IRAG1: variants seen among roughly 807,000 people sequenced by gnomAD.
IRAG1 encodes inositol 1,4,5-triphosphate receptor associated 1, also known as IP3R-associated cGMP kinase substrate.
A neutral mutation model predicts 106.2 loss-of-function variants in IRAG1; 62 were observed. The ratio of observed to expected loss-of-function variants is 0.58; its 90% CI spans 0.48 to 0.72. The LOEUF is 0.72. IRAG1 is among the 30% of genes least tolerant of loss of function. The pLI is 0.00. For synonymous variants in IRAG1, 462 were observed against 443.9 expected (o/e 1.04, Z -0.51); for missense variants, 1,064 against 1,140.7 (o/e 0.93, Z 0.97).
chr11:10,633,141 C>A (rs1295805529), intron 3 of IRAG1, among the ~76,000 whole-genome samples: 1 of 140,836 alleles, frequency 7.1e-6, no homozygotes, highest in Non-Finnish European at 1.5e-5. Flanking sequence ...GTGGCGCGAT[C>A]TGGGCTCACT....
At chr11:10,684,557 T>C (rs909860400) in intron 1 of IRAG1, among the ~76,000 whole-genome samples, 1 of 150,322 alleles carries the variant, frequency 6.7e-6, no homozygotes, top group South Asian at 2.1e-4. Flanking sequence ...TGTATACATA[T>C]GTAACTAACC....
rs768413973 is a variant in IRAG1, at chr11:10,626,199, C to T, written c.1135G>A (p.Glu379Lys). 1.9e-6 allele frequency: 3 copies of T among 1,569,960 alleles called. No individual in the cohort carries two copies. The East Asian group carries it at 6.8e-5, about 35-fold the overall frequency. The part of the protein sequence containing the change: ...PMGPEAGSKA[E>K]LPPTVSRPPL... ...GGCCGGGACACAGTGGGTGGAAGCT[C>T]AGCTTTGGAGCCAGCCTCGGGCCCC... is the stretch of plus-strand genomic sequence containing the variant. Residue 379 changes from glutamate (E) to lysine (K), a missense_variant, in exon 9 of 21, where the codon GAG becomes AAG. Transcript: ENST00000423302.
rs1564901027 is a variant in IRAG1, at chr11:10,601,070, GGAGCGCAT to G, written c.1876-19_1876-12del. On this transcript the variant is annotated splice_polypyrimidine_tract_variant and intron_variant, in intron 14 of 20. Transcript: ENST00000423302. ...CGACATGCGCTTTTCCTGCGGGGAA[GGAGCGCAT>G]GAGTGCATGAGGCCATTGGAGGAAA... 6.2e-7 allele frequency: 1 copy of G among 1,613,516 alleles called. No individual in the cohort carries two copies. Among genetic ancestry groups the G allele is most frequent in the South Asian group, 1.1e-5 (1 of 91,086 alleles).
rs138642796 is a variant in IRAG1, at chr11:10,647,765, G to A, written c.225+4260C>T. Among the ~76,000 whole-genome samples the A allele has an allele frequency of 6.6e-6, 1 of 152,136 alleles. No homozygotes were observed. The highest frequency in any genetic ancestry group is 1.9e-4 in the East Asian group (1 of 5,192). On this transcript the variant is annotated intron_variant, in intron 2 of 20. Transcript: ENST00000423302. The surrounding 1 kb of genome is among the most constrained non-coding windows in gnomAD (Gnocchi z 4.3). ...AGGTAAGATTGCATCTGGAGCCTGG[G>A]GCCAGGTCTGGGGCCCTACAGTAAG...
intron 1 of IRAG1, among the ~76,000 whole-genome samples, chr11:10,662,986 A>G (rs1481590438): frequency 6.6e-6 from 1 of 152,186 alleles, no homozygotes; most frequent in African/African-American, 2.4e-5. Context: ...GCTGAATCTG[A>G]GCCAACGGCC....
At chr11:10,601,643 G>A (rs1854024432) in intron 14 of IRAG1, among the ~76,000 whole-genome samples, 1 of 152,230 alleles carries the variant, frequency 6.6e-6, no homozygotes, top group African/African-American at 2.4e-5. Flanking sequence ...GTAAGTCTGG[G>A]TTGTGAAGGA....
At chr11:10,667,921 G>A (rs372918028) in intron 1 of IRAG1, among the ~76,000 whole-genome samples, 2 of 152,206 alleles carry the variant, frequency 1.3e-5, no homozygotes, top group East Asian at 3.9e-4. Flanking sequence ...CACAGATGAA[G>A]TCCAGTTTCC....
chr11:10,587,880 G>A (rs1852197504), intron 18 of IRAG1, among the ~76,000 whole-genome samples: 1 of 152,208 alleles, frequency 6.6e-6, no homozygotes, highest in African/African-American at 2.4e-5. Context: ...GTAAGGGCAT[G>A]TGCTCTGCTA....
chr11:10,649,817 C>T (rs1305699655), intron 2 of IRAG1, among the ~76,000 whole-genome samples: 1 of 152,126 alleles, frequency 6.6e-6, no homozygotes, highest in Middle Eastern at 3.2e-3. Flanking sequence ...CTCCAAATTC[C>T]AGTTCCCCAC....
intron 15 of IRAG1, among the ~76,000 whole-genome samples, chr11:10,600,237 T>C (rs1317132102): frequency 3.3e-5 from 5 of 152,202 alleles, no homozygotes; most frequent in South Asian, 2.1e-4. Flanking sequence ...CGTGCTCCTA[T>C]AGCAATTCGT....
chr11:10,687,508 C>T, intron 1 of IRAG1: 2 of 392,098 alleles, frequency 5.1e-6, no homozygotes, highest in Non-Finnish European at 8.0e-6. Flanking sequence ...AACCTACTTG[C>T]CTGTTGATCC....
At chr11:10,676,158 T>C (rs557985073) in intron 1 of IRAG1, among the ~76,000 whole-genome samples, 1 of 152,368 alleles carries the variant, frequency 6.6e-6, no homozygotes, top group Non-Finnish European at 1.5e-5. Context: ...GGCTTCGCTT[T>C]GCCTCCCTAA....
chr11:10,605,636 T>C (rs553346675), intron 12 of IRAG1, among the ~76,000 whole-genome samples: 13 of 152,318 alleles, frequency 8.5e-5, no homozygotes, highest in African/African-American at 2.9e-4. Context: ...GACTGTCTGA[T>C]TTGAAAGCCT....
chr11:10,671,295 GA>G (rs1860199728), intron 1 of IRAG1, among the ~76,000 whole-genome samples: 1 of 152,158 alleles, frequency 6.6e-6, no homozygotes, highest in Admixed American at 6.6e-5. Context: ...AAGGCTGCAG[GA>G]TATATGATTG....
chr11:10,676,625 T>G (rs1478442945), intron 1 of IRAG1, among the ~76,000 whole-genome samples: 1 of 152,198 alleles, frequency 6.6e-6, no homozygotes, highest in East Asian at 1.9e-4. Flanking sequence ...GGCTGGGAAC[T>G]GCAGGTGCCA....
chr11:10,617,968 G>T (rs1021310330), intron 10 of IRAG1, among the ~76,000 whole-genome samples: 2 of 152,160 alleles, frequency 1.3e-5, no homozygotes, highest in Non-Finnish European at 2.9e-5. Context: ...ATATAGATTT[G>T]ATCCTGATGC....
At chr11:10,625,504 CT>C (rs951275332) in intron 9 of IRAG1, among the ~76,000 whole-genome samples, 2 of 152,144 alleles carry the variant, frequency 1.3e-5, no homozygotes, top group Non-Finnish European at 2.9e-5. Context: ...GGACTTAAAG[CT>C]TTTGTTAACA....
At chr11:10,666,096 T>C (rs1859765011) in intron 1 of IRAG1, among the ~76,000 whole-genome samples, 2 of 152,214 alleles carry the variant, frequency 1.3e-5, no homozygotes, top group South Asian at 2.1e-4. Context: ...TGATATGAGA[T>C]TGGAAGTAAC....
intron 1 of IRAG1, among the ~76,000 whole-genome samples, chr11:10,677,109 C>G (rs993833070): frequency 5.9e-5 from 9 of 152,346 alleles, no homozygotes; most frequent in African/African-American, 2.2e-4. Context: ...CTCCCATGAC[C>G]TTCCCCTCTG....
Sources: gnomAD v4.1 joint callset for allele counts (sites outside exome capture counted in the v4.1 genomes callset) on GRCh38, gnomAD v4.1.1 for gene constraint, Gnocchi (gnomAD v3.1) non-coding constraint, MANE v1.5 for transcripts, NCBI Gene and HGNC (gene_info 2026-07-23, HGNC 2026-07-21) for gene names.